The following ICE1 variants were observed in gnomAD, a reference collection of about 807,000 sequenced individuals.
ICE1 encodes the protein little elongation complex subunit 1.
In ICE1, 64 loss-of-function variants were observed where a neutral mutation model predicts 192.7. That is an observed-to-expected ratio of 0.33 (90% CI 0.27 to 0.41). The LOEUF (loss-of-function observed/expected upper bound fraction) is 0.41. Among genes scored for constraint, ICE1 ranks in the 10% least tolerant of loss-of-function variants. The pLI is 1.00. For missense variants in ICE1, 2,708 were observed against 2,696.0 expected, an observed-to-expected ratio of 1.00 and a Z score of -0.10; for synonymous variants, 1,010 against 984.5, an observed-to-expected ratio of 1.03 and a Z score of -0.49.
At chr5:5,426,059 G>T (rs191690752) in intron 1 of ICE1, among the ~76,000 whole-genome samples, 1 of 152,340 alleles carries the variant, frequency 6.6e-6, no homozygotes, top group African/African-American at 2.4e-5. Context: ...GCCATTTTCA[G>T]ATTTAATGTT....
In ICE1 at chr5:5,456,732, T is replaced by C. The variant is rs555143178; in HGVS notation, c.692-600T>C. On this transcript the variant is annotated intron_variant, in intron 11 of 18. Coordinates refer to ENST00000296564, the MANE Select transcript of ICE1 (RefSeq NM_015325.3). ...TTTTAAAGCTGGCAAATATAATAAATGGTTATGGAATCAAATGTTTTTGTT... is the reference window on the plus strand; with the variant it reads ...TTTTAAAGCTGGCAAATATAATAAACGGTTATGGAATCAAATGTTTTTGTT... Among the ~76,000 whole-genome samples the C allele has an allele frequency of 1.3e-4, 20 of 152,272 alleles. No homozygotes were observed. In the South Asian group the frequency reaches 3.9e-3, roughly 30 times the overall value.
chr5:5,423,047 C>T (rs1737363470), intron 1 of ICE1, 48 bp downstream of exon 1: 3 of 1,272,092 alleles, frequency 2.4e-6, no homozygotes, highest in Non-Finnish European at 2.0e-6. Flanking sequence ...CTCGGCTCGG[C>T]CGGCCGGGAG....
intron 1 of ICE1, among the ~76,000 whole-genome samples, chr5:5,426,841 A>G (rs1232356717): frequency 1.3e-5 from 2 of 152,368 alleles, no homozygotes; most frequent in Admixed American, 6.5e-5. Context: ...CCATATTTCA[A>G]TTAAACTTTC....
intron 14 of ICE1, among the ~76,000 whole-genome samples, chr5:5,468,175 A>T (rs1166222643): frequency 6.6e-6 from 1 of 152,222 alleles, no homozygotes; most frequent in African/African-American, 2.4e-5. Context: ...TACTTCACAA[A>T]TCCATGAATA....
At chr5:5,440,882 CAG>C (rs1038966935) in intron 4 of ICE1, among the ~76,000 whole-genome samples, 3 of 149,174 alleles carry the variant, frequency 2.0e-5, no homozygotes, top group African/African-American at 7.5e-5. Context: ...GCCCAGGAGA[CAG>C]AGTGAGACCC....
rs530551019 is a variant in ICE1, at chr5:5,470,017, T to C, written c.6222+1029T>C. Among the ~76,000 whole-genome samples, 21 of 152,156 alleles carry C rather than the reference T, an allele frequency of 1.4e-4. No homozygotes were observed. In the South Asian group the frequency reaches 4.4e-3, roughly 32 times the overall value. The stretch of plus-strand genomic sequence containing the variant: ...ACCTGCCTCCAGAGACTTACCTGCT[T>C]TGAGGGTTACTGCCTTCCGAGGGTT... On this transcript the variant is annotated intron_variant, in intron 15 of 18. Coordinates refer to ENST00000296564, the MANE Select transcript of ICE1 (RefSeq NM_015325.3).
rs1327777740 is a variant in ICE1, at chr5:5,466,204, C to T, written c.5893-130C>T. 7 of 758,626 alleles carry T rather than the reference C, an allele frequency of 9.2e-6. No individual in the cohort carries two copies. In the African/African-American group the frequency reaches 1.3e-4, roughly 14 times the overall value. 47.0% of individuals were successfully genotyped at this position (758,626 alleles called of 1,614,324 possible). A position where few individuals can be genotyped will look rare whatever the true frequency, so the allele number is the denominator to read the frequency against. Reference sequence around the variant, plus strand: ...GTAAGTTCTTACCAGTTACTATGCTCTACCTTCTGATGTAGCGCAAGTTTT... The same window carrying T: ...GTAAGTTCTTACCAGTTACTATGCTTTACCTTCTGATGTAGCGCAAGTTTT... On this transcript the variant is annotated intron_variant, in intron 13 of 18. Coordinates refer to ENST00000296564, the MANE Select transcript of ICE1 (RefSeq NM_015325.3).
At position 5,457,442 on chromosome 5, in the gene ICE1, A is replaced by C. The variant is rs1293186383; in HGVS notation, c.802A>C (p.Lys268Gln). The C allele has an allele frequency of 1.9e-6, 3 of 1,613,918 alleles. No individual in the cohort carries two copies. The African/African-American group carries it at 4.0e-5, about 22-fold the overall frequency. The stretch of plus-strand genomic sequence containing the variant: ...CTCAAATGTGCAGACATGCCTCACA[A>C]AACTGTCCATGGAGATAAAGGAGGA... Reference protein sequence around the residue: ...RTSNVQTCLTKLSMEIKEDFL... With the variant: ...RTSNVQTCLTQLSMEIKEDFL... Residue 268 changes from lysine to glutamine, a missense_variant, in exon 12 of 19, where the codon AAA (lysine) becomes CAA (glutamine). By Grantham distance (53) the Lys-to-Gln change is moderately conservative. Around this residue, in one of 2 missense-constraint regions of ICE1, gnomAD observed 2,366 missense variants for 2,276.6 expected, o/e 1.04. Coordinates refer to ENST00000296564, the MANE Select transcript of ICE1 (RefSeq NM_015325.3).
rs1738866420 is a variant in ICE1 at position 5,463,450 on chromosome 5, G to T, written c.4116G>T (p.Leu1372Phe). The T allele has an allele frequency of 1.2e-6, 2 of 1,612,810 alleles. No homozygotes were observed. Among genetic ancestry groups the T allele is most frequent in the South Asian group, 2.2e-5 (2 of 90,784 alleles). Reference sequence around the variant, plus strand: ...CAGAACCTGTGGAGCCATCAGCCTTGTGCTCTGACTCTGTGATGGAGCCAT... The same window carrying T: ...CAGAACCTGTGGAGCCATCAGCCTTTTGCTCTGACTCTGTGATGGAGCCAT... ...DLPEPVEPSA[L>F]CSDSVMEPSI... The change falls in exon 13 of 19, where the codon TTG becomes TTT. Residue 1372 changes from leucine to phenylalanine, a missense_variant. This residue lies in a region of ICE1 where 2,366 missense variants were observed against 2,276.6 expected (regional missense o/e 1.04). Transcript: ENST00000296564.
chr5:5,482,487 T>G (rs549933139), intron 17 of ICE1, among the ~76,000 whole-genome samples: 1 of 152,226 alleles, frequency 6.6e-6, no homozygotes, highest in East Asian at 1.9e-4. Context: ...TCAGGTCTGC[T>G]GATGAAGTCG....
Position 5,437,112 on chromosome 5 carries a change from A to T in ICE1, c.176A>T (p.Asp59Val). Residue 59 changes from aspartate (D) to valine (V), a missense_variant and splice_region_variant, in exon 3 of 19, where the codon GAT (aspartate) becomes GTT (valine). Asp to Val is a radical substitution (Grantham distance 152). Around this residue, in one of 2 missense-constraint regions of ICE1, gnomAD observed 2,366 missense variants for 2,276.6 expected, o/e 1.04. Coordinates refer to ENST00000296564, the MANE Select transcript of ICE1 (RefSeq NM_015325.3). ...TTAACAGAATATCAGAAGAAATGTGATGATATCCTTTTACTGGCTTTTTCT... is the reference window on the plus strand; with the variant it reads ...TTAACAGAATATCAGAAGAAATGTGTTGATATCCTTTTACTGGCTTTTTCT... Reference protein sequence around the residue: ...NLLTEYQKKCDELQFARRENS... With the variant: ...NLLTEYQKKCVELQFARRENS... 2 of 1,534,338 alleles carry T rather than the reference A, an allele frequency of 1.3e-6. No individual in the cohort carries two copies. The highest frequency in any genetic ancestry group is 3.8e-5 in the Admixed American group (2 of 53,178).
chr5:5,423,166 G>A (rs150311420), intron 1 of ICE1, among the ~76,000 whole-genome samples, 167 bp downstream of exon 1: 118 of 152,248 alleles, frequency 7.8e-4, no homozygotes, highest in African/African-American at 2.6e-3. Flanking sequence ...TCCTACATGA[G>A]TTTTGGGGAC....
intron 6 of ICE1, among the ~76,000 whole-genome samples, 159 bp downstream of exon 6, chr5:5,443,403 A>G (rs1738108420): frequency 6.6e-6 from 1 of 152,024 alleles, no homozygotes; most frequent in African/African-American, 2.4e-5. Context: ...TGGTTTCCAC[A>G]TCTGTAAACT....
intron 7 of ICE1, among the ~76,000 whole-genome samples, chr5:5,445,512 A>G (rs1397950058): frequency 6.6e-6 from 1 of 151,778 alleles, no homozygotes; most frequent in Non-Finnish European, 1.5e-5. Flanking sequence ...GCTCACTGCA[A>G]CCCCTGCCTT....
intron 17 of ICE1, among the ~76,000 whole-genome samples, chr5:5,478,953 T>C (rs1006620025): frequency 2.0e-5 from 3 of 152,148 alleles, no homozygotes; most frequent in Non-Finnish European, 4.4e-5. Flanking sequence ...TAACTTAAGA[T>C]GGATTAAAGA....
chr5:5,474,133 C>A (rs1332249933), intron 16 of ICE1, among the ~76,000 whole-genome samples: 1 of 151,536 alleles, frequency 6.6e-6, no homozygotes, highest in Non-Finnish European at 1.5e-5. Flanking sequence ...TGGTGTGAGC[C>A]CGGGAGGCAG....
At chr5:5,441,727 C>T (rs1157738328) in intron 5 of ICE1, among the ~76,000 whole-genome samples, 1 of 152,080 alleles carries the variant, frequency 6.6e-6, no homozygotes, top group Non-Finnish European at 1.5e-5. Context: ...AGAACCTACT[C>T]TCATAATTCA....
chr5:5,451,764 C>G (rs908463438), intron 10 of ICE1, among the ~76,000 whole-genome samples: 1 of 152,086 alleles, frequency 6.6e-6, no homozygotes, highest in African/African-American at 2.4e-5. Flanking sequence ...ACTAGTGTCT[C>G]TGTTATTAAT....
rs1388500863 is a variant in ICE1, at chr5:5,464,722, C to T, written c.5388C>T (p.Phe1796=). Residue 1796 remains phenylalanine, a synonymous_variant, in exon 13 of 19, where the codon TTC becomes TTT. Coordinates refer to ENST00000296564, the MANE Select transcript of ICE1 (RefSeq NM_015325.3). The surrounding 1 kb of genome is among the most constrained non-coding windows in gnomAD (Gnocchi z 4.0). ...LPGPASAMIG[F]KTITSAATAF... is the part of the protein sequence containing the mutation. Reference sequence around the variant, plus strand: ...GACCTGCCAGTGCTATGATAGGATTCAAAACGATCACTTCAGCAGCAACTG... The same window carrying T: ...GACCTGCCAGTGCTATGATAGGATTTAAAACGATCACTTCAGCAGCAACTG... 6.2e-7 allele frequency: 1 copy of T among 1,613,818 alleles called. No individual in the cohort carries two copies. The highest frequency in any genetic ancestry group is 1.3e-5 in the African/African-American group (1 of 74,936).
Sources: allele counts gnomAD v4.1 joint callset (sites outside exome capture counted in the v4.1 genomes callset), GRCh38; gene constraint gnomAD v4.1.1; regional missense constraint gnomAD v4.1.1; non-coding constraint Gnocchi (gnomAD v3.1); transcripts MANE v1.5; gene names NCBI Gene and HGNC (gene_info 2026-07-23, HGNC 2026-07-21).